HORMAD2: variants seen among roughly 807,000 people sequenced by gnomAD.
The protein encoded by HORMAD2 is HORMA domain-containing protein 2.
HORMAD2 carries 45 observed loss-of-function variants against 38.8 expected under a neutral mutation model. The observed-to-expected ratio is 1.16, with a 90% CI of 0.91 to 1.49. HORMAD2 has a LOEUF of 1.49. Among genes scored for constraint, HORMAD2 ranks in the 40% most tolerant of loss-of-function variants. HORMAD2 has a pLI of 0.00. For missense variants in HORMAD2, 338 were observed against 367.0 expected (o/e 0.92, Z 0.65); for synonymous variants, 126 against 122.8 (o/e 1.03, Z -0.17).
intron 1 of HORMAD2, among the ~76,000 whole-genome samples, chr22:30,088,016 C>A (rs1362060003): frequency 8.7e-6 from 1 of 114,562 alleles, no homozygotes; most frequent in South Asian, 3.1e-4. Context: ...TACATATATA[C>A]ATATACAGAT....
the HORMAD2 span, among the ~76,000 whole-genome samples, chr22:30,202,543 G>C: frequency 6.6e-6 from 1 of 151,828 alleles, no homozygotes; most frequent in Non-Finnish European, 1.5e-5. Flanking sequence ...CCAACCCTCA[G>C]TGGAGAAGTT....
downstream of HORMAD2, among the ~76,000 whole-genome samples, chr22:30,180,411 A>G (rs1230502982): frequency 6.6e-6 from 1 of 152,118 alleles, no homozygotes; most frequent in Non-Finnish European, 1.5e-5. Context: ...AAGGCTGGTG[A>G]AGTCTGGAGC....
intron 1 of HORMAD2, among the ~76,000 whole-genome samples, chr22:30,082,122 A>G (rs2068490581): frequency 6.6e-6 from 1 of 152,172 alleles, no homozygotes; most frequent in Admixed American, 6.5e-5. Context: ...AGCTTTAGGA[A>G]TCTATTGAAC....
At chr22:30,164,539 TC>T (rs1925657733) in intron 10 of HORMAD2, among the ~76,000 whole-genome samples, 1 of 152,234 alleles carries the variant, frequency 6.6e-6, no homozygotes, top group South Asian at 2.1e-4. Flanking sequence ...AATTTGCATC[TC>T]TGATGATAGT....
chr22:30,188,526 C>G, the HORMAD2 span, among the ~76,000 whole-genome samples: 2 of 152,152 alleles, frequency 1.3e-5, no homozygotes, highest in Non-Finnish European at 2.9e-5. Flanking sequence ...TTCAAAGGGC[C>G]CTCTCTGGGA....
At chr22:30,177,445 C>T (rs1454306213), downstream of HORMAD2, among the ~76,000 whole-genome samples, 1 of 152,162 alleles carries the variant, frequency 6.6e-6, no homozygotes, top group East Asian at 1.9e-4. Context: ...GGCTATAGCA[C>T]TGGGGCCTGC....
At chr22:30,111,537 T>C (rs1462982869) in intron 5 of HORMAD2, among the ~76,000 whole-genome samples, 1 of 152,084 alleles carries the variant, frequency 6.6e-6, no homozygotes, top group Non-Finnish European at 1.5e-5. Flanking sequence ...AACCCAGATA[T>C]GGAAGGCTGA....
At chr22:30,144,062 C>T (rs1184209066) in intron 10 of HORMAD2, among the ~76,000 whole-genome samples, 1 of 152,154 alleles carries the variant, frequency 6.6e-6, no homozygotes, top group Non-Finnish European at 1.5e-5. Flanking sequence ...AATTACCAAG[C>T]CTCAGATATT....
Position 30,122,172 on chromosome 22 carries a change from T to C in HORMAD2, c.777T>C (p.His259=), listed in dbSNP as rs768896132. The C allele has an allele frequency of 6.2e-7, 1 of 1,613,494 alleles. No homozygotes were observed. The highest frequency in any genetic ancestry group is 1.1e-5 in the South Asian group (1 of 91,006). Residue 259 remains histidine, a synonymous_variant, in exon 10 of 11, where the codon CAT becomes CAC. Transcript: ENST00000336726. ...FRENSTTEIA[H]QGLDCDEEEE... ...AGAACAGCACTACTGAGATCGCCCA[T>C]CAGGGTCTAGACTGTGATGAGGAAG... is the stretch of plus-strand genomic sequence containing the variant.
At chr22:30,151,604 T>C (rs1924754330) in intron 10 of HORMAD2, among the ~76,000 whole-genome samples, 1 of 152,162 alleles carries the variant, frequency 6.6e-6, no homozygotes, top group Non-Finnish European at 1.5e-5. Flanking sequence ...CTCATAGTCC[T>C]CCACTTGGAA....
At chr22:30,125,832 A>C (rs1408503915) in intron 10 of HORMAD2, among the ~76,000 whole-genome samples, 2 of 152,200 alleles carry the variant, frequency 1.3e-5, no homozygotes, top group Non-Finnish European at 2.9e-5. Flanking sequence ...CAGCTCAATA[A>C]ATATTCACAA....
intron 10 of HORMAD2, chr22:30,136,985 C>T: frequency 3.9e-6 from 2 of 508,800 alleles, no homozygotes; most frequent in Non-Finnish European, 7.1e-6. Context: ...TTTGGCAGAC[C>T]TGTTAGTGTC....
At chr22:30,206,377 C>A in the HORMAD2 span, among the ~76,000 whole-genome samples, 1 of 152,216 alleles carries the variant, frequency 6.6e-6, no homozygotes, top group African/African-American at 2.4e-5. Flanking sequence ...CCAGGCTGGT[C>A]TCCAACTCCT....
chr22:30,204,393 A>G, the HORMAD2 span, among the ~76,000 whole-genome samples: 4 of 152,194 alleles, frequency 2.6e-5, no homozygotes, highest in Admixed American at 2.6e-4. Flanking sequence ...CACTTATTTC[A>G]TGGAGTTGAG....
At chr22:30,108,179 T>C (rs759921022) in intron 5 of HORMAD2, among the ~76,000 whole-genome samples, 5 of 152,192 alleles carry the variant, frequency 3.3e-5, no homozygotes, top group Admixed American at 6.5e-5. Context: ...GACTATATTG[T>C]ATATAGCTAT....
At chr22:30,178,927 G>A (rs758696137), downstream of HORMAD2, among the ~76,000 whole-genome samples, 3 of 152,136 alleles carry the variant, frequency 2.0e-5, no homozygotes, top group Non-Finnish European at 2.9e-5. Flanking sequence ...GCCAGGCACC[G>A]AAACCACACC....
At chr22:30,185,724 T>C in the HORMAD2 span, among the ~76,000 whole-genome samples, 1 of 152,162 alleles carries the variant, frequency 6.6e-6, no homozygotes, top group Non-Finnish European at 1.5e-5. Context: ...ATATTCCCTT[T>C]ATCAAAAACC....
chr22:30,191,202 C>T, the HORMAD2 span, among the ~76,000 whole-genome samples: 1 of 152,052 alleles, frequency 6.6e-6, no homozygotes, highest in African/African-American at 2.4e-5. Context: ...GACAGCTCGT[C>T]GGGAAATGTG....
upstream of HORMAD2, among the ~76,000 whole-genome samples, chr22:30,079,283 C>G (rs1276815093): frequency 6.6e-6 from 1 of 152,110 alleles, no homozygotes; most frequent in African/African-American, 2.4e-5. Context: ...GAGAAACGAT[C>G]CAAGGAGCCA....
Sources: allele counts gnomAD v4.1 joint callset (sites outside exome capture counted in the v4.1 genomes callset), GRCh38; gene constraint gnomAD v4.1.1; transcripts MANE v1.5; gene names NCBI Gene and HGNC (gene_info 2026-07-23, HGNC 2026-07-21).